SPDEF: variants seen among roughly 807,000 people sequenced by gnomAD.
The protein encoded by SPDEF is SAM pointed domain containing ETS transcription factor, also known as SAM pointed domain-containing Ets transcription factor.
SPDEF carries 12 observed loss-of-function variants against 36.0 expected under a neutral mutation model. That is an observed-to-expected ratio of 0.33 (90% CI 0.21 to 0.54). The LOEUF (loss-of-function observed/expected upper bound fraction) is 0.54. Among genes scored for constraint, SPDEF ranks in the 20% least tolerant of loss-of-function variants. The probability of loss-of-function intolerance (pLI) is 0.93; values close to 1 mark genes in which losing one functional copy is unlikely to be tolerated. For missense variants in SPDEF, 388 were observed against 456.9 expected (o/e 0.85, Z 1.37); for synonymous variants, 205 against 193.0 (o/e 1.06, Z -0.51).
rs1054219770 is a variant in SPDEF, at chr6:34,541,293, A to G, written c.437-112T>C. On this transcript the variant is annotated intron_variant, in intron 2 of 5. Transcript: ENST00000374037. ...AGACCATGTGCTCTTGGGGATGGGG[A>G]TAGGTCAGCCCCAGACAGGCCCCTG... The G allele has an allele frequency of 1.2e-5, 13 of 1,113,448 alleles. No individual in the cohort carries two copies. In the African/African-American group the frequency reaches 1.9e-4, roughly 16 times the overall value. 69.0% of individuals were successfully genotyped at this position (1,113,448 alleles called of 1,614,324 possible). A position where few individuals can be genotyped will look rare whatever the true frequency, so the allele number is the denominator to read the frequency against.
At chr6:34,545,468 C>T (rs1208720470) in intron 1 of SPDEF, among the ~76,000 whole-genome samples, 1 of 152,282 alleles carries the variant, frequency 6.6e-6, no homozygotes, top group South Asian at 2.1e-4. Flanking sequence ...CACGGGCCGC[C>T]CCGGCTTGGT....
At chr6:34,549,549 G>A (rs762777197) in intron 1 of SPDEF, among the ~76,000 whole-genome samples, 2 of 152,092 alleles carry the variant, frequency 1.3e-5, no homozygotes, top group African/African-American at 2.4e-5. Context: ...GACAGCTCCC[G>A]AACCACAGTT....
At chr6:34,543,195 C>CAAAAAAAAAAAAAAAA (rs56021909) in intron 2 of SPDEF, among the ~76,000 whole-genome samples, 1 of 69,138 alleles carries the variant, frequency 1.4e-5, no homozygotes, top group Admixed American at 2.4e-4. Context: ...GACTCCATCT[C>CAAAAAAAAAAAAAAAA]AAAAAAAAAA....
intron 1 of SPDEF, among the ~76,000 whole-genome samples, chr6:34,551,531 C>T (rs561789198): frequency 6.6e-5 from 10 of 152,306 alleles, no homozygotes; most frequent in East Asian, 5.8e-4. Context: ...CTGGATTTTA[C>T]GATCCATGAC....
chr6:34,547,030 C>T (rs1048192936), intron 1 of SPDEF, among the ~76,000 whole-genome samples: 1 of 150,810 alleles, frequency 6.6e-6, no homozygotes, highest in Admixed American at 6.6e-5. Flanking sequence ...TTCATCACCC[C>T]CTGCCTGCCT....
chr6:34,541,102 G>A lies in SPDEF; in HGVS notation c.516C>T (p.Gly172=), dbSNP rs371604618. The A allele has an allele frequency of 4.3e-6, 7 of 1,611,028 alleles. No individual in the cohort carries two copies. Among genetic ancestry groups the A allele is most frequent in the Non-Finnish European group, 5.9e-6 (7 of 1,179,064 alleles). ...TEHQYRLPPM[G]KAFQELAGKE... ...TGCCCGCCAGCTCCTGGAAGGCCTTGCCCATGGGGGGCAGCCGGTATTGGT... is the reference window on the plus strand; with the variant it reads ...TGCCCGCCAGCTCCTGGAAGGCCTTACCCATGGGGGGCAGCCGGTATTGGT... Residue 172 remains glycine (G), a synonymous_variant, in exon 3 of 6, where the codon GGC becomes GGT. Transcript: ENST00000374037.
chr6:34,553,913 C>T (rs960727787), intron 1 of SPDEF, among the ~76,000 whole-genome samples: 11 of 151,190 alleles, frequency 7.3e-5, no homozygotes, highest in African/African-American at 2.7e-4. Context: ...CACTTCCCCC[C>T]GGCCCCCGCA....
intron 2 of SPDEF, 89 bp from the exon 3 acceptor site, chr6:34,541,270 AC>A: frequency 7.6e-7 from 1 of 1,323,704 alleles, no homozygotes; most frequent in Non-Finnish European, 1.0e-6. Flanking sequence ...GTGGCCTGAG[AC>A]CATGTGCTCT....
chr6:34,551,371 C>T (rs761005784), intron 1 of SPDEF, among the ~76,000 whole-genome samples: 21 of 152,184 alleles, frequency 1.4e-4, no homozygotes, highest in Non-Finnish European at 2.6e-4. Context: ...CTGGAAAGAA[C>T]GAAGACCTCC....
In SPDEF at chr6:34,541,271, CCA is replaced by C. The variant is rs936673503; in HGVS notation, c.437-92_437-91del. The C allele has an allele frequency of 3.6e-5, 48 of 1,316,468 alleles. No homozygotes were observed. The African/African-American group carries it at 6.0e-4, about 16-fold the overall frequency. The allele number at this position is 1,316,468 out of a possible 1,614,324, so 81.5% of individuals were successfully genotyped here. On this transcript the variant is annotated intron_variant, in intron 2 of 5. Transcript: ENST00000374037. ...ACCCATGGGAACCTGTGGCCTGAGACCATGTGCTCTTGGGGATGGGGATAGGT... is the reference window on the plus strand; with the variant it reads ...ACCCATGGGAACCTGTGGCCTGAGACTGTGCTCTTGGGGATGGGGATAGGT...
At position 34,552,094 on chromosome 6, in the gene SPDEF, A is replaced by G. The variant is rs953785829; in HGVS notation, c.-30+3835T>C. ...ACCTGCACATCCCCGCTTTGCCATG[A>G]TGCAGCCCGGGTCACATGGCTGCCC... On this transcript the variant is annotated intron_variant, in intron 1 of 5. Coordinates refer to ENST00000374037, the MANE Select transcript of SPDEF (RefSeq NM_012391.3). The surrounding 1 kb of genome is among the most constrained non-coding windows in gnomAD (Gnocchi z 4.6). Among the ~76,000 whole-genome samples the G allele has an allele frequency of 2.4e-4, 36 of 152,028 alleles. No individual in the cohort carries two copies. Among genetic ancestry groups the G allele is most frequent in the African/African-American group, 8.2e-4 (34 of 41,364 alleles).
At chr6:34,546,677 C>T (rs1274676030) in intron 1 of SPDEF, among the ~76,000 whole-genome samples, 4 of 151,554 alleles carry the variant, frequency 2.6e-5, no homozygotes, top group Non-Finnish European at 2.9e-5. Context: ...AGCCCTGCAG[C>T]TTCCTGTGGT....
rs1166079797 is a variant in SPDEF, at chr6:34,554,642, G to A, written c.-30+1287C>T. Among the ~76,000 whole-genome samples, 6 of 152,238 alleles carry A rather than the reference G, an allele frequency of 3.9e-5. No homozygotes were observed. In the South Asian group the frequency reaches 1.2e-3, roughly 31 times the overall value. ...AATGCCCCCCACCATTTGTCTGTGA[G>A]TTTGGGGTGGTGGGACTCCAAGCTG... On this transcript the variant is annotated intron_variant, in intron 1 of 5. Transcript: ENST00000374037.
chr6:34,544,216 G>A lies in SPDEF; in HGVS notation c.240C>T (p.Ala80=). The change falls in exon 2 of 6, where the codon GCC becomes GCT. Residue 80 remains alanine (A), a synonymous_variant. Coordinates refer to ENST00000374037, the MANE Select transcript of SPDEF (RefSeq NM_012391.3). This position sits in a 1 kb window ranked among gnomAD's most constrained non-coding sequence, Gnocchi z 4.4. ...CCTCAGGTGGCTCCTCCCGACTGCT[G>A]GCCCCAGGGGCCTTGGCTGCCCAGC... ...DSSWAAKAPG[A]SSREEPPEEP... The A allele has an allele frequency of 6.2e-7, 1 of 1,613,844 alleles. No individual in the cohort carries two copies. The highest frequency in any genetic ancestry group is 8.5e-7 in the Non-Finnish European group (1 of 1,179,932).
intron 1 of SPDEF, among the ~76,000 whole-genome samples, chr6:34,546,750 T>A (rs1767960790): frequency 7.2e-6 from 1 of 138,056 alleles, no homozygotes; most frequent in Non-Finnish European, 1.5e-5. Flanking sequence ...ATTCAAGGGC[T>A]CCTTTAAGTG....
intron 1 of SPDEF, among the ~76,000 whole-genome samples, chr6:34,554,766 C>T (rs1248068128): frequency 1.3e-5 from 2 of 152,230 alleles, no homozygotes; most frequent in African/African-American, 2.4e-5. Context: ...TCTGGTGGGG[C>T]GTCTCCTCCC....
At chr6:34,550,779 C>T (rs1229643516) in intron 1 of SPDEF, among the ~76,000 whole-genome samples, 2 of 148,956 alleles carry the variant, frequency 1.3e-5, no homozygotes, top group East Asian at 2.0e-4. Context: ...AAGCTGGGGG[C>T]GGGGCCACGT....
chr6:34,539,238 C>T lies in SPDEF; in HGVS notation c.829+12G>A. 6.2e-7 allele frequency: 1 copy of T among 1,613,136 alleles called. No individual in the cohort carries two copies. ...CACTGGCCCTGCAGCGCCCCTTGGG[C>T]ACCCTGCTCACCCTTCTCCTTGTTG... On this transcript the variant is annotated intron_variant, in intron 5 of 5. Transcript: ENST00000374037. This position sits in a 1 kb window ranked among gnomAD's most constrained non-coding sequence, Gnocchi z 5.2.
rs531707559 is a variant in SPDEF, at chr6:34,543,960, A to G, written c.436+60T>C. ...ATCCAGCAGTGCCCCGACCCACCCC[A>G]GCGACCTCAGCCTTGCCTGTGACCC... On this transcript the variant is annotated intron_variant, in intron 2 of 5. Transcript: ENST00000374037. 1.4e-4 allele frequency: 216 copies of G among 1,550,246 alleles called. 1 individual carries two copies. In the African/African-American group the frequency reaches 2.8e-3, roughly 20 times the overall value.
Sources: gnomAD v4.1 joint callset for allele counts (sites outside exome capture counted in the v4.1 genomes callset) on GRCh38, gnomAD v4.1.1 for gene constraint, Gnocchi (gnomAD v3.1) non-coding constraint, MANE v1.5 for transcripts, NCBI Gene and HGNC (gene_info 2026-07-23, HGNC 2026-07-21) for gene names.